Variants in FGF14 observed in about 807,000 individuals in gnomAD.
FGF14 encodes the protein fibroblast growth factor homologous factor 4.
In FGF14, 5 loss-of-function variants were observed where a neutral mutation model predicts 25.5. That is an observed-to-expected ratio of 0.20 (90% CI 0.10 to 0.41). FGF14 has a LOEUF of 0.41. Ranked by LOEUF, FGF14 falls within the 10% of genes least tolerant of loss-of-function variation. The pLI is 1.00. For missense variants in FGF14, 222 were observed against 320.1 expected, an observed-to-expected ratio of 0.69 and a Z score of 2.34; for synonymous variants, 138 against 118.3, an observed-to-expected ratio of 1.17 and a Z score of -1.08.
At chr13:102,262,429 C>T (rs2052764412) in intron 1 of FGF14, among the ~76,000 whole-genome samples, 1 of 151,958 alleles carries the variant, frequency 6.6e-6, no homozygotes, top group Non-Finnish European at 1.5e-5. Flanking sequence ...CTGTGAGGAA[C>T]TTTATAAAGA....
At chr13:102,240,915 A>G (rs934859594) in intron 1 of FGF14, among the ~76,000 whole-genome samples, 8 of 152,186 alleles carry the variant, frequency 5.3e-5, no homozygotes, top group African/African-American at 1.9e-4. Context: ...CCATAACATG[A>G]AAAGTGCTTC....
At chr13:101,877,659 C>A (rs1203403126) in intron 1 of FGF14, among the ~76,000 whole-genome samples, 3 of 152,160 alleles carry the variant, frequency 2.0e-5, no homozygotes, top group East Asian at 1.9e-4. Flanking sequence ...CCAAAACCAA[C>A]TTGTATTTTG....
In FGF14 at chr13:101,768,053, G is replaced by A. The variant is rs532471663; in HGVS notation, c.409-41243C>T. ...TATTGTTTCTAAAACGAACATAAAA[G>A]CAAAACATAAAAATCAACAACATGT... is the stretch of plus-strand genomic sequence containing the variant. On this transcript the variant is annotated intron_variant, in intron 3 of 4. Coordinates refer to ENST00000376143, the MANE Select transcript of FGF14 (RefSeq NM_004115.4). Among the ~76,000 whole-genome samples, 330 of 151,902 alleles carry A rather than the reference G, an allele frequency of 2.2e-3. 3 individuals carry two copies. In the Middle Eastern group the frequency reaches 0.027, roughly 13 times the overall value.
At chr13:101,852,205 C>T (rs1317044809) in intron 3 of FGF14, among the ~76,000 whole-genome samples, 9 of 151,972 alleles carry the variant, frequency 5.9e-5, no homozygotes, top group Admixed American at 5.3e-4. Flanking sequence ...GAAATGCCAG[C>T]CACCGAAACA....
chr13:102,050,822 T>A (rs1483085582), intron 1 of FGF14, among the ~76,000 whole-genome samples: 1 of 152,110 alleles, frequency 6.6e-6, no homozygotes. Flanking sequence ...ACTGGTGGGA[T>A]CAGCATACCT....
intron 1 of FGF14, among the ~76,000 whole-genome samples, chr13:101,897,444 A>C (rs1014397048): frequency 6.6e-6 from 1 of 152,154 alleles, no homozygotes; most frequent in African/African-American, 2.4e-5. Context: ...AGAGAAGAAT[A>C]CTCAGATTTC....
intron 1 of FGF14, among the ~76,000 whole-genome samples, chr13:102,368,272 G>A (rs964114627): frequency 6.6e-6 from 1 of 152,066 alleles, no homozygotes; most frequent in African/African-American, 2.4e-5. Flanking sequence ...TTCCTACACA[G>A]TACCTACATG....
At chr13:101,829,007 C>T (rs543541843) in intron 3 of FGF14, among the ~76,000 whole-genome samples, 37 of 152,144 alleles carry the variant, frequency 2.4e-4, no homozygotes, top group African/African-American at 6.5e-4. Flanking sequence ...TTCTGCCCCT[C>T]GGGGTCTGTA....
intron 1 of FGF14, among the ~76,000 whole-genome samples, chr13:101,876,263 G>T (rs765161062): frequency 2.0e-5 from 3 of 152,102 alleles, no homozygotes; most frequent in Non-Finnish European, 4.4e-5. Context: ...CCCATCTCAG[G>T]GATAGATTGG....
At chr13:101,967,787 T>C (rs11069471) in intron 1 of FGF14, 32,343 of 154,100 alleles carry the variant, frequency 0.21, 3,829 homozygotes, top group East Asian at 0.48. Flanking sequence ...TTAACCTCTA[T>C]TGAATCCTCT....
chr13:102,101,863 C>T (rs1172595752), intron 1 of FGF14, among the ~76,000 whole-genome samples: 11 of 152,098 alleles, frequency 7.2e-5, no homozygotes, highest in Admixed American at 5.9e-4. Context: ...CGCCACCACA[C>T]CATTAATTTT....
chr13:102,089,876 A>C (rs1057095418), intron 1 of FGF14, among the ~76,000 whole-genome samples: 1 of 152,214 alleles, frequency 6.6e-6, no homozygotes, highest in Non-Finnish European at 1.5e-5. Context: ...CTGTGTAGCT[A>C]TGAAAGTACT....
At chr13:102,125,113 C>T (rs746743542) in intron 1 of FGF14, among the ~76,000 whole-genome samples, 1 of 152,072 alleles carries the variant, frequency 6.6e-6, no homozygotes, top group Non-Finnish European at 1.5e-5. Context: ...ATTGCTTCAT[C>T]TTTTGGTAAG....
chr13:102,245,960 C>T (rs2051844051), intron 1 of FGF14, among the ~76,000 whole-genome samples: 1 of 152,036 alleles, frequency 6.6e-6, no homozygotes, highest in South Asian at 2.1e-4. Context: ...TTCCTACTTA[C>T]CACTTGAAAA....
At chr13:101,942,765 T>C (rs930180492) in intron 1 of FGF14, among the ~76,000 whole-genome samples, 2 of 152,256 alleles carry the variant, frequency 1.3e-5, no homozygotes, top group Non-Finnish European at 2.9e-5. Context: ...TGTGTTTCTA[T>C]GACTCTCTCA....
chr13:102,377,737 G>A (rs536240245), intron 1 of FGF14, among the ~76,000 whole-genome samples: 3 of 152,302 alleles, frequency 2.0e-5, no homozygotes, highest in Admixed American at 2.0e-4. Context: ...GAACCCAGGA[G>A]GCAGAGGTTG....
intron 1 of FGF14, among the ~76,000 whole-genome samples, chr13:101,949,275 C>T (rs2036007446): frequency 6.6e-6 from 1 of 152,164 alleles, no homozygotes; most frequent in African/African-American, 2.4e-5. Context: ...GGTAATAACT[C>T]AAAATTCTGT....
At chr13:101,801,297 CAATT>C (rs2040853039) in intron 3 of FGF14, among the ~76,000 whole-genome samples, 1 of 152,046 alleles carries the variant, frequency 6.6e-6, no homozygotes. Flanking sequence ...TGATCTAAAA[CAATT>C]AATTATATAT....
At position 101,983,561 on chromosome 13, in the gene FGF14, C is replaced by T. The variant is rs555041172; in HGVS notation, c.209-108265G>A. ...TTTGATTGTTAGCCTTGGATCCTTC[C>T]ACTAAGGTAGAAATAGCAGGCCAGT... On this transcript the variant is annotated intron_variant, in intron 1 of 4. Coordinates refer to the FGF14 transcript ENST00000376131. Among the ~76,000 whole-genome samples the T allele has an allele frequency of 2.0e-5, 3 of 152,254 alleles. No homozygotes were observed. The South Asian group carries it at 6.2e-4, about 32-fold the overall frequency.
Sources: allele counts gnomAD v4.1 joint callset (sites outside exome capture counted in the v4.1 genomes callset), GRCh38; gene constraint gnomAD v4.1.1; transcripts MANE v1.5; gene names NCBI Gene and HGNC (gene_info 2026-07-23, HGNC 2026-07-21).